Variants in NOVA1 observed in about 807,000 individuals in gnomAD.
NOVA1 encodes RNA-binding protein Nova-1.
NOVA1 carries 7 observed loss-of-function variants against 38.0 expected under a neutral mutation model. The ratio of observed to expected loss-of-function variants is 0.18; its 90% CI spans 0.10 to 0.35. The LOEUF (loss-of-function observed/expected upper bound fraction) is 0.35. Ranked by LOEUF, NOVA1 falls within the 10% of genes least tolerant of loss-of-function variation. The pLI is 1.00. For missense variants in NOVA1, 460 were observed against 616.0 expected, an observed-to-expected ratio of 0.75 and a Z score of 2.68; for synonymous variants, 270 against 232.5, an observed-to-expected ratio of 1.16 and a Z score of -1.47.
intron 2 of NOVA1, among the ~76,000 whole-genome samples, chr14:26,587,849 G>T (rs17111414): frequency 0.26 from 39,565 of 150,524 alleles, 6,358 homozygotes; most frequent in African/African-American, 0.44. Flanking sequence ...CACTACTATT[G>T]GTTCTATTCT....
chr14:26,524,343 G>A (rs1439681620), intron 2 of NOVA1, among the ~76,000 whole-genome samples: 1 of 152,118 alleles, frequency 6.6e-6, no homozygotes, highest in Admixed American at 6.5e-5. Context: ...ACTGCAGGAA[G>A]ACCTTTACTT....
At chr14:26,503,779 G>T (rs1334331665) in intron 2 of NOVA1, among the ~76,000 whole-genome samples, 5 of 152,022 alleles carry the variant, frequency 3.3e-5, no homozygotes, top group African/African-American at 1.2e-4. Context: ...GATTCATCAT[G>T]ATAAACCAAA....
chr14:26,544,935 C>T (rs1473167450), intron 2 of NOVA1, among the ~76,000 whole-genome samples: 2 of 151,976 alleles, frequency 1.3e-5, no homozygotes, highest in Non-Finnish European at 1.5e-5. Context: ...GCAAAGAAGA[C>T]CAATTGTATG....
At chr14:26,479,857 C>CA (rs1484429831) in intron 3 of NOVA1, 120 bp downstream of exon 3, 49 of 1,015,430 alleles carry the variant, frequency 4.8e-5, no homozygotes, top group Non-Finnish European at 7.1e-5. Flanking sequence ...AATGACAACT[C>CA]TGGTATGTTT....
intron 2 of NOVA1, among the ~76,000 whole-genome samples, chr14:26,488,158 T>C (rs1886063770): frequency 6.6e-6 from 1 of 152,178 alleles, no homozygotes; most frequent in East Asian, 1.9e-4. Flanking sequence ...ACTTTTAAAC[T>C]GCAAAAATTT....
intron 2 of NOVA1, among the ~76,000 whole-genome samples, chr14:26,573,755 A>G (rs1892636281): frequency 1.3e-5 from 2 of 152,144 alleles, no homozygotes; most frequent in Admixed American, 1.3e-4. Context: ...CTGGGTTGAA[A>G]AAGATGAAAA....
chr14:26,469,428 TTAC>T (rs1884411750), intron 4 of NOVA1, among the ~76,000 whole-genome samples: 1 of 152,218 alleles, frequency 6.6e-6, no homozygotes, highest in African/African-American at 2.4e-5. Context: ...GCTTTATTAT[TTAC>T]TACGTTAAAG....
chr14:26,515,301 T>C (rs953743269), intron 2 of NOVA1, among the ~76,000 whole-genome samples: 9 of 151,864 alleles, frequency 5.9e-5, no homozygotes, highest in African/African-American at 2.2e-4. Flanking sequence ...TGTATTTATA[T>C]AAAGAAAAAA....
chr14:26,467,045 C>G (rs191125084), intron 4 of NOVA1, among the ~76,000 whole-genome samples: 1 of 152,124 alleles, frequency 6.6e-6, no homozygotes, highest in Non-Finnish European at 1.5e-5. Flanking sequence ...ACAGTGGAGA[C>G]ACAAATTTCA....
chr14:26,513,598 C>T (rs1050163232), intron 2 of NOVA1, among the ~76,000 whole-genome samples: 2 of 151,362 alleles, frequency 1.3e-5, no homozygotes, highest in Non-Finnish European at 3.0e-5. Context: ...ATAAATGCTA[C>T]TTATAAAATT....
intron 2 of NOVA1, among the ~76,000 whole-genome samples, chr14:26,547,965 A>T (rs964011135): frequency 1.3e-5 from 2 of 152,078 alleles, no homozygotes; most frequent in Non-Finnish European, 2.9e-5. Context: ...CACTCAGTGT[A>T]AGTAAAGCCT....
chr14:26,561,494 T>C (rs1891818870), intron 2 of NOVA1, among the ~76,000 whole-genome samples: 1 of 152,238 alleles, frequency 6.6e-6, no homozygotes, highest in Non-Finnish European at 1.5e-5. Context: ...AATAATTTCC[T>C]GCTTCACTGT....
intron 2 of NOVA1, among the ~76,000 whole-genome samples, chr14:26,524,845 T>C (rs1369725539): frequency 6.6e-6 from 1 of 152,114 alleles, no homozygotes; most frequent in East Asian, 1.9e-4. Context: ...TAAAACAACA[T>C]AAAATTTTTT....
intron 2 of NOVA1, among the ~76,000 whole-genome samples, chr14:26,571,000 C>T (rs1594555333): frequency 1.3e-5 from 2 of 152,048 alleles, no homozygotes; most frequent in South Asian, 4.1e-4. Flanking sequence ...CTGCAAGAAT[C>T]ACAAAGTCTG....
intron 4 of NOVA1, among the ~76,000 whole-genome samples, chr14:26,471,497 TGAA>T (rs1415551031): frequency 8.6e-5 from 13 of 151,680 alleles, no homozygotes; most frequent in Non-Finnish European, 1.8e-4. Context: ...CTCACCTAAA[TGAA>T]GCTCAACTCA....
Position 26,468,152 on chromosome 14 carries a change from G to A in NOVA1, c.519+4168C>T, listed in dbSNP as rs542780659. On this transcript the variant is annotated intron_variant, in intron 4 of 4. Transcript: ENST00000539517. Reference sequence around the variant, plus strand: ...TCCATTTTTGCTGGCACACAATGTGGAGAGATTCTCCTACTGGCCTTGCAA... The same window carrying A: ...TCCATTTTTGCTGGCACACAATGTGAAGAGATTCTCCTACTGGCCTTGCAA... Among the ~76,000 whole-genome samples the A allele has an allele frequency of 3.9e-5, 6 of 152,210 alleles. No homozygotes were observed. In the East Asian group the frequency reaches 9.7e-4, roughly 24 times the overall value.
intron 3 of NOVA1, among the ~76,000 whole-genome samples, chr14:26,478,397 T>A (rs1318657254): frequency 6.6e-6 from 1 of 151,936 alleles, no homozygotes; most frequent in Admixed American, 6.6e-5. Context: ...ATCAAGATAT[T>A]GGCTTCTATC....
Position 26,597,970 on chromosome 14 carries a change from G to A in NOVA1, c.-534C>T, listed in dbSNP as rs920349319. Among the ~76,000 whole-genome samples the A allele has an allele frequency of 2.0e-5, 3 of 151,678 alleles. No homozygotes were observed. The highest frequency in any genetic ancestry group is 2.9e-5 in the Non-Finnish European group (2 of 67,866). On this transcript the variant is annotated 5_prime_UTR_variant, in exon 1 of 5. Coordinates refer to ENST00000539517, the MANE Select transcript of NOVA1 (RefSeq NM_002515.3). ...GAAGGAGCGCGGCGGTCCCCGCGCC[G>A]CGCTAGCGTTGCGCTCGCTCCCGCT...
At position 26,445,365 on chromosome 14, in the gene NOVA1, T is replaced by C. The variant is rs1359610202; in HGVS notation, c.*2594A>G. 6.6e-6 allele frequency: 1 copy of C among 152,222 alleles called. No homozygotes were observed. 9.4% of individuals were successfully genotyped at this position (152,222 alleles called of 1,614,324 possible). On this transcript the variant is annotated 3_prime_UTR_variant, in exon 5 of 5. Coordinates refer to ENST00000539517, the MANE Select transcript of NOVA1 (RefSeq NM_002515.3). ...ATTTTTAAACAGCATGAAGCTGATT[T>C]ACACATAATGCATACAAACCCTTAT...
Sources: allele counts gnomAD v4.1 joint callset (sites outside exome capture counted in the v4.1 genomes callset), GRCh38; gene constraint gnomAD v4.1.1; transcripts MANE v1.5; gene names NCBI Gene and HGNC (gene_info 2026-07-23, HGNC 2026-07-21).